The following C2CD5 variants were observed in gnomAD, a reference collection of about 807,000 sequenced individuals.
C2CD5 encodes the protein C2 domain-containing protein 5.
C2CD5 carries 109 observed loss-of-function variants against 130.3 expected under a neutral mutation model. The ratio of observed to expected loss-of-function variants is 0.84; its 90% CI spans 0.72 to 0.98. The LOEUF is 0.98. Among genes scored for constraint, C2CD5 ranks in the 50% least tolerant of loss-of-function variants. C2CD5 has a pLI of 0.00. For missense variants in C2CD5, 996 were observed against 1,261.8 expected (o/e 0.79, Z 3.19); for synonymous variants, 454 against 429.2 (o/e 1.06, Z -0.71).
rs577929701 is a variant in C2CD5 at position 22,481,101 on chromosome 12, G to A, written c.1737+1456C>T. Among the ~76,000 whole-genome samples the A allele has an allele frequency of 5.3e-5, 8 of 152,112 alleles. No individual in the cohort carries two copies. In the South Asian group the frequency reaches 6.2e-4, roughly 12 times the overall value. On this transcript the variant is annotated intron_variant, in intron 14 of 26. Coordinates refer to ENST00000446597, the MANE Select transcript of C2CD5 (RefSeq NM_001286176.2). ...ATTACAGGCATGAGTCACCATGCCC[G>A]GCCTATGTATCAAATATTTTAATAT...
At position 22,472,332 on chromosome 12, in the gene C2CD5, T is replaced by C; in HGVS notation, c.2123A>G (p.Asn708Ser). 1 of 1,470,890 alleles carries C rather than the reference T, an allele frequency of 6.8e-7. No individual in the cohort carries two copies. Among genetic ancestry groups the C allele is most frequent in the Non-Finnish European group, 9.4e-7 (1 of 1,068,934 alleles). 91.1% of individuals were successfully genotyped at this position (1,470,890 alleles called of 1,614,324 possible). Residue 708 changes from asparagine to serine, a missense_variant, in exon 18 of 27, where the codon AAT (asparagine) becomes AGT (serine). Physicochemically the swap from Asn to Ser is conservative, Grantham distance 46. Coordinates refer to ENST00000446597, the MANE Select transcript of C2CD5 (RefSeq NM_001286176.2). ...ATTTATACCGGGCATAATTTCTGTATTACAACTATAAAAGCCTGTCAAAAT... is the reference window on the plus strand; with the variant it reads ...ATTTATACCGGGCATAATTTCTGTACTACAACTATAAAAGCCTGTCAAAAT... The part of the protein sequence containing the change: ...VPPPSGFYSC[N>S]TEIMPGINNW...
At chr12:22,454,529 C>G (rs1939410908) in intron 25 of C2CD5, among the ~76,000 whole-genome samples, 1 of 151,814 alleles carries the variant, frequency 6.6e-6, no homozygotes, top group Non-Finnish European at 1.5e-5. Context: ...ACTCTTCCTA[C>G]CTCAGGCTCA....
intron 22 of C2CD5, among the ~76,000 whole-genome samples, chr12:22,469,042 AT>A (rs947748779): frequency 1.3e-5 from 2 of 152,184 alleles, no homozygotes; most frequent in African/African-American, 2.4e-5. Flanking sequence ...GTAATTTTAA[AT>A]TTTTTTGTAA....
At position 22,472,790 on chromosome 12, in the gene C2CD5, G is replaced by T; in HGVS notation, c.2061C>A (p.Ala687=). ...AFVLEIDDTD[A]MEDVHSLLTD... ...TAAGTAGAGAATGGACATCTTCCAT[G>T]GCATCTGTGTCATCAATCTTAAAAT... The change falls in exon 17 of 27, where the codon GCC becomes GCA. Residue 687 remains alanine (A), a synonymous_variant. Transcript: ENST00000446597. 1 of 1,569,386 alleles carries T rather than the reference G, an allele frequency of 6.4e-7. No individual in the cohort carries two copies. Among genetic ancestry groups the T allele is most frequent in the South Asian group, 1.1e-5 (1 of 90,032 alleles).
chr12:22,534,469 A>G (rs930160375), intron 3 of C2CD5, among the ~76,000 whole-genome samples: 1 of 152,200 alleles, frequency 6.6e-6, no homozygotes, highest in Admixed American at 6.5e-5. Flanking sequence ...ATATTTGCAA[A>G]TTATATATCT....
chr12:22,525,513 C>A, intron 5 of C2CD5, 97 bp downstream of exon 5: 1 of 754,364 alleles, frequency 1.3e-6, no homozygotes, highest in Non-Finnish European at 2.4e-6. Context: ...AAACCAAGTA[C>A]AATAGCTTTT....
chr12:22,462,468 T>C (rs1019362126), intron 22 of C2CD5, among the ~76,000 whole-genome samples: 15 of 152,112 alleles, frequency 9.9e-5, no homozygotes, highest in African/African-American at 3.4e-4. Flanking sequence ...CCTAGAAACT[T>C]AGCAAAGCAA....
Position 22,493,254 on chromosome 12 carries a change from C to T in C2CD5, c.1231G>A (p.Val411Ile). 6.2e-7 allele frequency: 1 copy of T among 1,609,714 alleles called. No homozygotes were observed. Among genetic ancestry groups the T allele is most frequent in the Non-Finnish European group, 8.5e-7 (1 of 1,176,718 alleles). The change falls in exon 11 of 27, where the codon GTA becomes ATA. Residue 411 changes from valine (V) to isoleucine (I), a missense_variant. Physicochemically the swap from Val to Ile is conservative, Grantham distance 29 (BLOSUM62 3). Transcript: ENST00000446597. ...SHAKALGCHA[V>I]VGYSESTSIC... is the part of the protein sequence containing the mutation. ...CTAGTTGATTCACTGTAGCCCACTA[C>T]AGCATGACAGCCTAATGCTTTAGCA...
intron 22 of C2CD5, among the ~76,000 whole-genome samples, chr12:22,464,285 C>A (rs150778816): frequency 6.6e-6 from 1 of 152,122 alleles, no homozygotes; most frequent in African/African-American, 2.4e-5. Context: ...TAAAGGTGTA[C>A]GACATTCTAA....
intron 11 of C2CD5, 118 bp downstream of exon 11, chr12:22,493,105 A>G: frequency 1.8e-6 from 1 of 558,308 alleles, no homozygotes; most frequent in Non-Finnish European, 3.2e-6. Context: ...ATGTACTCCA[A>G]GGCCCATGCT....
intron 2 of C2CD5, among the ~76,000 whole-genome samples, chr12:22,536,741 G>A (rs1168385056): frequency 2.6e-5 from 4 of 152,182 alleles, no homozygotes; most frequent in Admixed American, 2.0e-4. Context: ...CTGATAGGGT[G>A]TAGGAAATAG....
intron 7 of C2CD5, chr12:22,519,070 C>A: frequency 1.3e-6 from 2 of 1,511,466 alleles, no homozygotes; most frequent in Non-Finnish European, 1.8e-6. Flanking sequence ...CCACTCTGCC[C>A]GTGGCCTGCA....
At position 22,525,665 on chromosome 12, in the gene C2CD5, G is replaced by A; in HGVS notation, c.390C>T (p.Leu130=). Residue 130 remains leucine (L), a synonymous_variant, in exon 5 of 27, where the codon CTC becomes CTT. Transcript: ENST00000446597. ...GCCTAAATCGATTTAAATCATTGAAGAGGTCTACTTTGACAACTACATTGA... is the reference window on the plus strand; with the variant it reads ...GCCTAAATCGATTTAAATCATTGAAAAGGTCTACTTTGACAACTACATTGA... ...GEINVVVKVD[L]FNDLNRFRQS... 1 of 1,594,372 alleles carries A rather than the reference G, an allele frequency of 6.3e-7. No homozygotes were observed. The highest frequency in any genetic ancestry group is 8.6e-7 in the Non-Finnish European group (1 of 1,162,468).
In C2CD5 at chr12:22,454,003, C is replaced by A; in HGVS notation, c.2917G>T (p.Glu973Ter). ...VSGFLHAFIAEVFAMVRAHVA... is the reference protein window; with the variant it reads ...VSGFLHAFIA ...TGAGCTCTCACCATTGCAAACACTT[C>A]AGCAATAAAAGCATGGAGAAAACCA... is the stretch of plus-strand genomic sequence containing the variant. The change falls in exon 26 of 27, where the codon GAA becomes TAA. Residue 973 changes from glutamate (E) to a stop codon, truncating the protein, a stop_gained. Transcript: ENST00000446597. LOFTEE classifies it high-confidence loss of function. The A allele has an allele frequency of 6.2e-7, 1 of 1,613,592 alleles. No homozygotes were observed. Among genetic ancestry groups the A allele is most frequent in the Non-Finnish European group, 8.5e-7 (1 of 1,179,670 alleles).
intron 9 of C2CD5, among the ~76,000 whole-genome samples, chr12:22,507,501 C>A (rs1359609060): frequency 6.6e-6 from 1 of 152,148 alleles, no homozygotes; most frequent in African/African-American, 2.4e-5. Context: ...TTCTTGCAAG[C>A]TTTATTCTAT....
At chr12:22,537,928 A>G (rs1476902615) in intron 2 of C2CD5, among the ~76,000 whole-genome samples, 2 of 151,790 alleles carry the variant, frequency 1.3e-5, no homozygotes, top group East Asian at 3.9e-4. Flanking sequence ...CTTACTCTAG[A>G]GATTCCTGCA....
chr12:22,484,918 T>A, intron 12 of C2CD5, 30 bp from the exon 13 acceptor site: 1 of 1,144,058 alleles, frequency 8.7e-7, no homozygotes, highest in Non-Finnish European at 1.2e-6. Flanking sequence ...AATAAGATAT[T>A]CTTTAAAAAT....
Position 22,448,771 on chromosome 12 carries a change from G to T in C2CD5, c.*989C>A, listed in dbSNP as rs903561506. ...GTAATATTTAAGGTTCATTTACAAC[G>T]GGCATTTGGCGTCGACAGAAAAAGT... On this transcript the variant is annotated 3_prime_UTR_variant, in exon 27 of 27. Transcript: ENST00000446597. 6.6e-6 allele frequency: 1 copy of T among 152,434 alleles called. No individual in the cohort carries two copies. The highest frequency in any genetic ancestry group is 1.5e-5 in the Non-Finnish European group (1 of 67,994). The allele number at this position is 152,434 out of a possible 1,614,324, so 9.4% of individuals were successfully genotyped here.
At chr12:22,500,267 T>C (rs1947592544) in intron 10 of C2CD5, among the ~76,000 whole-genome samples, 2 of 151,234 alleles carry the variant, frequency 1.3e-5, no homozygotes, top group South Asian at 2.1e-4. Flanking sequence ...AAAAAAAAGC[T>C]AAACTAACCA....
Sources: gnomAD v4.1 joint callset for allele counts (sites outside exome capture counted in the v4.1 genomes callset) on GRCh38, gnomAD v4.1.1 for gene constraint, MANE v1.5 for transcripts, NCBI Gene and HGNC (gene_info 2026-07-23, HGNC 2026-07-21) for gene names.